STXBP4: variants seen among roughly 807,000 people sequenced by gnomAD.
STXBP4 encodes the protein syntaxin-binding protein 4.
STXBP4 carries 55 observed loss-of-function variants against 76.1 expected under a neutral mutation model. The ratio of observed to expected loss-of-function variants is 0.72; its 90% confidence interval spans 0.58 to 0.91. STXBP4 has a LOEUF of 0.91. Ranked by LOEUF, STXBP4 falls within the 40% of genes least tolerant of loss-of-function variation. The pLI, the probability that STXBP4 is intolerant of heterozygous loss-of-function variation, is 0.00. For synonymous variants in STXBP4, 201 were observed against 220.2 expected, an observed-to-expected ratio of 0.91 and a Z score of 0.77; for missense variants, 618 against 636.9, an observed-to-expected ratio of 0.97 and a Z score of 0.32.
At chr17:54,970,025 G>A (rs1454169598) in intron 1 of STXBP4, among the ~76,000 whole-genome samples, 3 of 152,204 alleles carry the variant, frequency 2.0e-5, no homozygotes, top group East Asian at 1.9e-4. Flanking sequence ...AGATCTGAAC[G>A]ATGATAAGGA....
chr17:54,973,730 T>C (rs1355230347), intron 1 of STXBP4, among the ~76,000 whole-genome samples: 1 of 152,250 alleles, frequency 6.6e-6, no homozygotes, highest in Admixed American at 6.5e-5. Context: ...ATACCATGAA[T>C]GGAATGAGAG....
chr17:55,198,066 G>A, the STXBP4 span, among the ~76,000 whole-genome samples: 3,066 of 152,248 alleles, frequency 0.02, 108 homozygotes, highest in African/African-American at 0.07. Context: ...AATCTTCTGG[G>A]GTCCAAATAC....
chr17:55,052,342 A>G (rs1385656211), intron 12 of STXBP4, among the ~76,000 whole-genome samples: 1 of 152,194 alleles, frequency 6.6e-6, no homozygotes, highest in East Asian at 1.9e-4. Flanking sequence ...CTTGAGTACC[A>G]AAATAATTTA....
chr17:54,999,815 A>G lies in STXBP4; in HGVS notation c.471A>G (p.Thr157=). The G allele has an allele frequency of 6.2e-7, 1 of 1,612,430 alleles. No homozygotes were observed. Among genetic ancestry groups the G allele is most frequent in the Non-Finnish European group, 8.5e-7 (1 of 1,178,914 alleles). ...CAAAGACCTCATCCACTCCCAAAAC[A>G]AATAATGACATTTTATCTTCTTGTG... ...LIPKTSSTPK[T]NNDILSSCEI... is the part of the protein sequence containing the mutation. The change falls in exon 6 of 18, where the codon ACA becomes ACG. Residue 157 remains threonine, a synonymous_variant. Transcript: ENST00000376352.
intron 12 of STXBP4, among the ~76,000 whole-genome samples, chr17:55,065,110 T>G (rs766236734): frequency 1.3e-5 from 2 of 152,174 alleles, no homozygotes; most frequent in African/African-American, 2.4e-5. Context: ...TCTAGTTGCT[T>G]TTTCAATCAA....
intron 12 of STXBP4, among the ~76,000 whole-genome samples, chr17:55,053,300 C>G (rs1365853354): frequency 6.6e-6 from 1 of 151,692 alleles, no homozygotes; most frequent in Non-Finnish European, 1.5e-5. Context: ...GATAAAGGAC[C>G]ATGATATATA....
chr17:55,103,491 A>G (rs1169525678), intron 16 of STXBP4, among the ~76,000 whole-genome samples: 1 of 150,876 alleles, frequency 6.6e-6, no homozygotes, highest in Non-Finnish European at 1.5e-5. Flanking sequence ...TGGTCTATAT[A>G]TCTCTTTTGG....
At chr17:55,179,600 G>A in the STXBP4 span, among the ~76,000 whole-genome samples, 1 of 152,154 alleles carries the variant, frequency 6.6e-6, no homozygotes, top group Non-Finnish European at 1.5e-5. Context: ...CTACCCATGA[G>A]ATAGCAAGAC....
the STXBP4 span, among the ~76,000 whole-genome samples, chr17:55,197,764 A>G: frequency 0.01 from 1,561 of 152,050 alleles, 24 homozygotes; most frequent in African/African-American, 0.036. Context: ...AGAAGAAAAA[A>G]GAAAAAAGAA....
Position 55,010,146 on chromosome 17 carries a change from T to G in STXBP4, c.666+2549T>G, listed in dbSNP as rs560091989. Reference sequence around the variant, plus strand: ...TAAAATTTCACAAGGAAAGGATGTTTACTAATTATGAATTTATTAAGTAAT... The same window carrying G: ...TAAAATTTCACAAGGAAAGGATGTTGACTAATTATGAATTTATTAAGTAAT... On this transcript the variant is annotated intron_variant, in intron 8 of 17. Transcript: ENST00000376352. 3.8e-3 allele frequency among the ~76,000 whole-genome samples: 574 copies of G among 152,166 alleles called. 2 individuals carry two copies. Among genetic ancestry groups the G allele is most frequent in the South Asian group, 0.02 (99 of 4,830 alleles).
intron 12 of STXBP4, among the ~76,000 whole-genome samples, chr17:55,055,524 T>C (rs1003635412): frequency 6.6e-6 from 1 of 152,178 alleles, no homozygotes; most frequent in African/African-American, 2.4e-5. Flanking sequence ...ACTCCCATAC[T>C]GTCTAATCTG....
At chr17:55,060,991 C>A (rs1296079570) in intron 12 of STXBP4, among the ~76,000 whole-genome samples, 3 of 152,190 alleles carry the variant, frequency 2.0e-5, no homozygotes, top group African/African-American at 7.2e-5. Flanking sequence ...GGATATTAAG[C>A]ATTTGGCAAA....
At chr17:55,033,215 A>G (rs2078539903) in intron 9 of STXBP4, among the ~76,000 whole-genome samples, 1 of 151,980 alleles carries the variant, frequency 6.6e-6, no homozygotes, top group African/African-American at 2.4e-5. Context: ...CTCTATTAAA[A>G]ATACAAAAAT....
chr17:55,033,920 GTCCATGAT>G (rs746612620), intron 9 of STXBP4, among the ~76,000 whole-genome samples: 1 of 152,100 alleles, frequency 6.6e-6, no homozygotes, highest in Non-Finnish European at 1.5e-5. Flanking sequence ...AAAACTATAG[GTCCATGAT>G]ATATATTTGC....
chr17:55,136,805 T>C (rs1891071548), intron 16 of STXBP4, among the ~76,000 whole-genome samples: 1 of 152,076 alleles, frequency 6.6e-6, no homozygotes, highest in South Asian at 2.1e-4. Context: ...AGAGACTGTA[T>C]TGAGGAAAGG....
intron 4 of STXBP4, among the ~76,000 whole-genome samples, chr17:54,996,450 C>T (rs570241439): frequency 1.4e-4 from 21 of 151,974 alleles, no homozygotes; most frequent in Admixed American, 3.3e-4. Context: ...AGTTGGCAGC[C>T]ATCAAAGGTT....
At position 55,073,088 on chromosome 17, in the gene STXBP4, A is replaced by G. The variant is rs2079142226; in HGVS notation, c.1188+12A>G. 1 of 1,611,350 alleles carries G rather than the reference A, an allele frequency of 6.2e-7. No individual in the cohort carries two copies. The highest frequency in any genetic ancestry group is 1.3e-5 in the African/African-American group (1 of 74,808). On this transcript the variant is annotated intron_variant, in intron 13 of 17. Coordinates refer to ENST00000376352, the MANE Select transcript of STXBP4 (RefSeq NM_178509.6). ...CTGACCAAAATAAAGTAAGCAAAGC[A>G]GTCATCTCTTCCAGTTACCATGGTT...
chr17:55,096,412 ATCAT>A (rs2079486882), intron 16 of STXBP4, among the ~76,000 whole-genome samples: 1 of 152,116 alleles, frequency 6.6e-6, no homozygotes, highest in South Asian at 2.1e-4. Flanking sequence ...TTTAATTCGA[ATCAT>A]TCAATAAAAT....
intron 15 of STXBP4, among the ~76,000 whole-genome samples, chr17:55,080,491 T>A (rs2079242635): frequency 6.6e-6 from 1 of 152,148 alleles, no homozygotes; most frequent in Non-Finnish European, 1.5e-5. Flanking sequence ...AAGAAAACAT[T>A]TAATTTTTAA....
Sources: allele counts gnomAD v4.1 joint callset (sites outside exome capture counted in the v4.1 genomes callset), GRCh38; gene constraint gnomAD v4.1.1; transcripts MANE v1.5; gene names NCBI Gene and HGNC (gene_info 2026-07-23, HGNC 2026-07-21).